The following OXR1 variants were observed in gnomAD, a reference collection of about 807,000 sequenced individuals.
The protein encoded by OXR1 is oxidation resistance protein 1.
A neutral mutation model predicts 104.6 loss-of-function variants in OXR1; 41 were observed. That is an observed-to-expected ratio of 0.39 (90% confidence interval 0.31 to 0.51). The LOEUF (loss-of-function observed/expected upper bound fraction) is 0.51. OXR1 is among the 20% of genes least tolerant of loss of function. The pLI is 0.77. For missense variants in OXR1, 955 were observed against 1,031.9 expected (o/e 0.93, Z 1.02); for synonymous variants, 348 against 348.4 (o/e 1.00, Z 0.01).
intron 3 of OXR1, among the ~76,000 whole-genome samples, chr8:106,615,457 C>T (rs923177772): frequency 1.3e-5 from 2 of 151,296 alleles, no homozygotes; most frequent in Admixed American, 1.3e-4. Context: ...AAAAGATGGC[C>T]GGGATGGTGG....
chr8:106,584,628 C>G (rs1303779374), intron 3 of OXR1, among the ~76,000 whole-genome samples: 1 of 151,960 alleles, frequency 6.6e-6, no homozygotes, highest in Non-Finnish European at 1.5e-5. Context: ...AAATTATTTC[C>G]TATCAATAGT....
chr8:106,509,959 A>T (rs899721975), intron 2 of OXR1, among the ~76,000 whole-genome samples: 1 of 151,950 alleles, frequency 6.6e-6, no homozygotes, highest in Admixed American at 6.6e-5. Context: ...TTTAGTAGAG[A>T]TGGGATTTCA....
At chr8:106,657,967 G>A in intron 3 of OXR1, 2 of 1,248,378 alleles carry the variant, frequency 1.6e-6, no homozygotes, top group Non-Finnish European at 2.0e-6. Context: ...CCCCAGTTCC[G>A]CGTCCAGCCC....
chr8:106,673,698 TG>T (rs1045425928), intron 3 of OXR1, among the ~76,000 whole-genome samples: 2 of 151,820 alleles, frequency 1.3e-5, no homozygotes, highest in African/African-American at 2.4e-5. Flanking sequence ...AAGAAAAAAA[TG>T]GTTTCATGGG....
At chr8:106,664,175 T>C (rs1017334534) in intron 3 of OXR1, among the ~76,000 whole-genome samples, 2 of 152,242 alleles carry the variant, frequency 1.3e-5, no homozygotes, top group Admixed American at 1.3e-4. Context: ...TGTTTTAGAA[T>C]TGCTGCTTGT....
intron 1 of OXR1, among the ~76,000 whole-genome samples, chr8:106,348,736 C>T (rs751733451): frequency 4.6e-5 from 7 of 151,830 alleles, no homozygotes; most frequent in Non-Finnish European, 8.8e-5. Context: ...AGTTTTGAAC[C>T]GAGAATTCTG....
chr8:106,594,760 G>A (rs1423905553), intron 3 of OXR1, among the ~76,000 whole-genome samples: 1 of 152,216 alleles, frequency 6.6e-6, no homozygotes, highest in Non-Finnish European at 1.5e-5. Context: ...ACTGACCTAT[G>A]AAACATAGCA....
At chr8:106,739,360 T>G in intron 12 of OXR1, 98 bp from the exon 13 acceptor site, 1 of 1,098,464 alleles carries the variant, frequency 9.1e-7, no homozygotes, top group South Asian at 1.5e-5. Context: ...TTAGCCACAT[T>G]TTCTACGATA....
intron 1 of OXR1, among the ~76,000 whole-genome samples, chr8:106,315,808 AC>A (rs1214155915): frequency 1.3e-5 from 2 of 152,222 alleles, no homozygotes; most frequent in African/African-American, 4.8e-5. Context: ...ATCTCTACTT[AC>A]ACTTAACACA....
intron 12 of OXR1, 87 bp from the exon 13 acceptor site, chr8:106,739,371 T>C (rs1479961719): frequency 5.7e-6 from 7 of 1,220,456 alleles, no homozygotes; most frequent in Non-Finnish European, 7.0e-6. Flanking sequence ...TTCTACGATA[T>C]AAAGCTTTAT....
At chr8:106,588,913 T>A (rs953592758) in intron 3 of OXR1, among the ~76,000 whole-genome samples, 1 of 152,268 alleles carries the variant, frequency 6.6e-6, no homozygotes, top group Non-Finnish European at 1.5e-5. Flanking sequence ...TGTTTTAATA[T>A]CTAACTCATA....
intron 11 of OXR1, chr8:106,729,769 G>A (rs1833705646): frequency 6.6e-6 from 1 of 151,764 alleles, no homozygotes; most frequent in South Asian, 2.1e-4. Context: ...TAGCATAGGG[G>A]GCTTTCCAGT....
At chr8:106,479,024 A>G (rs1394213855) in intron 2 of OXR1, among the ~76,000 whole-genome samples, 1 of 151,938 alleles carries the variant, frequency 6.6e-6, no homozygotes, top group Admixed American at 6.6e-5. Context: ...ATTAAATACT[A>G]TAGCAATTCA....
At chr8:106,476,343 G>A (rs750899887) in intron 2 of OXR1, among the ~76,000 whole-genome samples, 1 of 151,852 alleles carries the variant, frequency 6.6e-6, no homozygotes, top group Non-Finnish European at 1.5e-5. Flanking sequence ...AACTCAAAGC[G>A]TTGATGAACC....
chr8:106,725,063 G>A (rs534417042), intron 11 of OXR1, among the ~76,000 whole-genome samples: 213 of 152,254 alleles, frequency 1.4e-3, no homozygotes, highest in Non-Finnish European at 2.5e-3. Context: ...ACTGTATGTA[G>A]AAGAGAACTT....
chr8:106,671,416 G>A lies in OXR1; in HGVS notation c.221-7794G>A, dbSNP rs373507249. 3.0e-4 allele frequency among the ~76,000 whole-genome samples: 45 copies of A among 152,198 alleles called. No homozygotes were observed. The East Asian group carries it at 4.2e-3, about 14-fold the overall frequency. On this transcript the variant is annotated intron_variant, in intron 3 of 16. Transcript: ENST00000517566. ...TTTTTTAAATACGCATGTATTCAGC[G>A]TGTAAAACTGTTTCATATATCTTGG... is the stretch of plus-strand genomic sequence containing the variant.
At chr8:106,395,694 A>G (rs1276431077) in intron 2 of OXR1, among the ~76,000 whole-genome samples, 5 of 152,120 alleles carry the variant, frequency 3.3e-5, no homozygotes, top group African/African-American at 1.2e-4. Flanking sequence ...TTTAGTACAG[A>G]TACATCTATT....
At chr8:106,750,483 G>A (rs1180116139) in intron 16 of OXR1, among the ~76,000 whole-genome samples, 1 of 151,474 alleles carries the variant, frequency 6.6e-6, no homozygotes, top group Non-Finnish European at 1.5e-5. Context: ...GTGCCACCGC[G>A]CCTGGCTAAT....
At chr8:106,436,114 A>C (rs1586641250) in intron 2 of OXR1, among the ~76,000 whole-genome samples, 1 of 139,702 alleles carries the variant, frequency 7.2e-6, no homozygotes, top group African/African-American at 3.0e-5. Flanking sequence ...GCCTTTCTTC[A>C]TAAAAAAAAT....
Sources: allele counts gnomAD v4.1 joint callset (sites outside exome capture counted in the v4.1 genomes callset), GRCh38; gene constraint gnomAD v4.1.1; transcripts MANE v1.5; gene names NCBI Gene and HGNC (gene_info 2026-07-23, HGNC 2026-07-21).